PSPH: variants seen among roughly 807,000 people sequenced by gnomAD.
The protein encoded by PSPH is L-3-phosphoserine phosphatase.
In PSPH, 16 loss-of-function variants were observed where a neutral mutation model predicts 23.4. The observed-to-expected ratio is 0.68, with a 90% CI of 0.46 to 1.04. The LOEUF is 1.04. PSPH is among the 50% of genes least tolerant of loss of function. The pLI, the probability that PSPH is intolerant of heterozygous loss-of-function variation, is 0.00. For synonymous variants in PSPH, 68 were observed against 99.7 expected (o/e 0.68, Z 1.89); for missense variants, 223 against 273.7 (o/e 0.81, Z 1.31).
At chr7:56,012,786 G>C (rs1357300708) in intron 7 of PSPH, among the ~76,000 whole-genome samples, 1 of 147,522 alleles carries the variant, frequency 6.8e-6, no homozygotes. Context: ...GTAGAGACGG[G>C]GTTTCACCGT....
intron 1 of PSPH, chr7:56,043,122 A>C (rs1792769174): frequency 6.6e-6 from 1 of 151,846 alleles, no homozygotes; most frequent in Admixed American, 6.6e-5. Flanking sequence ...CAAAAATTAG[A>C]ATTTGTGAGG....
In PSPH at chr7:56,014,277, A is replaced by C. The variant is rs1374565508; in HGVS notation, c.570+746T>G. 2.6e-5 allele frequency among the ~76,000 whole-genome samples: 4 copies of C among 152,208 alleles called. No individual in the cohort carries two copies. The East Asian group carries it at 7.7e-4, about 29-fold the overall frequency. On this transcript the variant is annotated intron_variant, in intron 7 of 7. Coordinates refer to ENST00000275605, the MANE Select transcript of PSPH (RefSeq NM_004577.4). The stretch of plus-strand genomic sequence containing the variant: ...TGATGGTATTATTTGGGGAAATGAA[A>C]TCAACTTATTGAGCACACACCTAGG...
chr7:56,039,908 C>A (rs1252542680), intron 1 of PSPH, among the ~76,000 whole-genome samples: 7 of 151,528 alleles, frequency 4.6e-5, no homozygotes, highest in Non-Finnish European at 8.8e-5. Flanking sequence ...ACCATCCTCG[C>A]TAACATGGTG....
intron 2 of PSPH, among the ~76,000 whole-genome samples, chr7:56,033,704 A>G (rs1006719401): frequency 3.0e-4 from 46 of 152,280 alleles, no homozygotes; most frequent in Admixed American, 5.9e-4. Context: ...GATTGTTCCA[A>G]TCTTGCACTA....
chr7:56,048,219 G>A (rs1418665679), intron 1 of PSPH, among the ~76,000 whole-genome samples: 1 of 151,494 alleles, frequency 6.6e-6, no homozygotes, highest in Non-Finnish European at 1.5e-5. Context: ...GGCGGAGGCT[G>A]CAGTGAGCAG....
intron 3 of PSPH, among the ~76,000 whole-genome samples, chr7:56,025,650 G>A (rs1014068299): frequency 1.3e-5 from 2 of 151,992 alleles, no homozygotes; most frequent in Non-Finnish European, 2.9e-5. Flanking sequence ...GTGTAGTGCA[G>A]TGGTGCAATC....
Position 56,011,080 on chromosome 7 carries a change from A to AACATACC in PSPH, c.*681_*682insGGTATGT, listed in dbSNP as rs1787869204. 1 of 152,568 alleles carries AACATACC rather than the reference A, an allele frequency of 6.6e-6. No individual in the cohort carries two copies. Among genetic ancestry groups the AACATACC allele is most frequent in the African/African-American group, 2.4e-5 (1 of 41,474 alleles). The allele number at this position is 152,568 out of a possible 1,614,324, so 9.5% of individuals were successfully genotyped here. Reference sequence around the variant, plus strand: ...ACAAATCCGTTCTGACATACGGATAAACTTTTATTGACATACCAAAGAGAA... The same window carrying AACATACC: ...ACAAATCCGTTCTGACATACGGATAAACATACCACTTTTATTGACATACCAAAGAGAA... On this transcript the variant is annotated 3_prime_UTR_variant, in exon 8 of 8. Coordinates refer to ENST00000275605, the MANE Select transcript of PSPH (RefSeq NM_004577.4).
intron 5 of PSPH, among the ~76,000 whole-genome samples, chr7:56,018,127 C>T (rs1281046423): frequency 6.6e-6 from 1 of 151,914 alleles, no homozygotes; most frequent in South Asian, 2.1e-4. Flanking sequence ...AGGTGGATCA[C>T]GAGCTCAGGC....
intron 5 of PSPH, among the ~76,000 whole-genome samples, chr7:56,018,661 C>G (rs1182245812): frequency 6.6e-6 from 1 of 151,802 alleles, no homozygotes; most frequent in African/African-American, 2.4e-5. Context: ...ACCCCCATCT[C>G]TACAAAAAAT....
intron 1 of PSPH, among the ~76,000 whole-genome samples, chr7:56,047,199 C>T (rs1793360178): frequency 6.6e-6 from 1 of 150,888 alleles, no homozygotes; most frequent in Non-Finnish European, 1.5e-5. Context: ...ACCCAGACAA[C>T]ATAGCATGAC....
intron 2 of PSPH, among the ~76,000 whole-genome samples, chr7:56,032,907 G>A (rs560146200): frequency 2.3e-4 from 35 of 150,522 alleles, no homozygotes; most frequent in South Asian, 6.3e-4. Flanking sequence ...TGATTGCACC[G>A]CTGCACTCTA....
intron 1 of PSPH, among the ~76,000 whole-genome samples, chr7:56,043,571 CT>C (rs1046975758): frequency 1.3e-5 from 2 of 151,400 alleles, no homozygotes; most frequent in African/African-American, 4.9e-5. Flanking sequence ...AATCCTAGCA[CT>C]TTGGGAGGCC....
At chr7:56,040,629 GA>G (rs1234030366) in intron 1 of PSPH, among the ~76,000 whole-genome samples, 1 of 151,940 alleles carries the variant, frequency 6.6e-6, no homozygotes, top group Non-Finnish European at 1.5e-5. Flanking sequence ...CCTCCTCCTA[GA>G]AATTATGCAA....
intron 4 of PSPH, 110 bp downstream of exon 4, chr7:56,020,963 G>A (rs1307608143): frequency 1.5e-6 from 2 of 1,314,368 alleles, no homozygotes; most frequent in African/African-American, 2.9e-5. Flanking sequence ...AGGAATGAAA[G>A]AAAAAGCCTA....
chr7:56,019,228 G>C (rs1788985044), intron 5 of PSPH, among the ~76,000 whole-genome samples: 1 of 152,020 alleles, frequency 6.6e-6, no homozygotes, highest in South Asian at 2.1e-4. Context: ...GATCATTTGA[G>C]GTCAAGAGTT....
At chr7:56,021,006 T>G in intron 4 of PSPH, 67 bp downstream of exon 4, 1 of 1,510,522 alleles carries the variant, frequency 6.6e-7, no homozygotes, top group Non-Finnish European at 8.9e-7. Flanking sequence ...GTCTAGCACT[T>G]CATCCAAAAC....
chr7:56,030,757 G>C (rs1408862130), intron 3 of PSPH, among the ~76,000 whole-genome samples: 1 of 152,050 alleles, frequency 6.6e-6, no homozygotes, highest in African/African-American at 2.4e-5. Context: ...AAATTAGCCA[G>C]GCATGGTGGT....
intron 4 of PSPH, among the ~76,000 whole-genome samples, chr7:56,020,251 G>C (rs1789175534): frequency 6.6e-6 from 1 of 151,794 alleles, no homozygotes; most frequent in South Asian, 2.1e-4. Context: ...CCTATCCATA[G>C]GTATTTTTCT....
chr7:56,042,863 A>C (rs1177636822), intron 1 of PSPH, among the ~76,000 whole-genome samples: 1 of 152,174 alleles, frequency 6.6e-6, no homozygotes, highest in Non-Finnish European at 1.5e-5. Context: ...TATGAAGCTA[A>C]AAAGAGGACA....
Sources: allele counts gnomAD v4.1 joint callset (sites outside exome capture counted in the v4.1 genomes callset), GRCh38; gene constraint gnomAD v4.1.1; transcripts MANE v1.5; gene names NCBI Gene and HGNC (gene_info 2026-07-23, HGNC 2026-07-21).